Variants in TRPA1 observed in about 807,000 individuals in gnomAD.
TRPA1 encodes ankyrin-like with transmembrane domains 1.
TRPA1 carries 129 observed loss-of-function variants against 131.3 expected under a neutral mutation model. The observed-to-expected ratio is 0.98, with a 90% CI of 0.85 to 1.14. The LOEUF is 1.14. TRPA1 is among the 50% of genes most tolerant of loss of function. The probability of loss-of-function intolerance (pLI) is 0.00; values close to 1 mark genes in which losing one functional copy is unlikely to be tolerated. For missense variants in TRPA1, 1,304 were observed against 1,354.2 expected (o/e 0.96, Z 0.58); for synonymous variants, 441 against 451.7 (o/e 0.98, Z 0.30).
intron 17 of TRPA1, 108 bp downstream of exon 17, chr8:72,046,405 A>G (rs576830509): frequency 2.0e-4 from 119 of 608,308 alleles, no homozygotes; most frequent in Non-Finnish European, 2.5e-4. Context: ...TATTTCTCAT[A>G]TGTAACTAAC....
chr8:72,079,492 A>G (rs1374325899), upstream of TRPA1, among the ~76,000 whole-genome samples: 2 of 151,960 alleles, frequency 1.3e-5, no homozygotes, highest in Non-Finnish European at 2.9e-5. Context: ...CCTTCAAACC[A>G]TTGTCAAAAA....
At chr8:72,064,511 T>C (rs1258444162) in intron 4 of TRPA1, among the ~76,000 whole-genome samples, 3 of 152,076 alleles carry the variant, frequency 2.0e-5, no homozygotes, top group Non-Finnish European at 4.4e-5. Context: ...TTGGTTTGAG[T>C]GTTAGTTAAC....
At chr8:72,030,840 T>C (rs1343327838) in intron 23 of TRPA1, among the ~76,000 whole-genome samples, 2 of 152,216 alleles carry the variant, frequency 1.3e-5, no homozygotes, top group African/African-American at 2.4e-5. Context: ...CAGAAATTTA[T>C]GGCTAGATAG....
chr8:72,077,744 A>T (rs1486853612), upstream of TRPA1, among the ~76,000 whole-genome samples: 7 of 152,164 alleles, frequency 4.6e-5, no homozygotes, highest in Admixed American at 4.6e-4. Context: ...CTCTAATTGC[A>T]AGATTAATTG....
At chr8:72,089,506 G>T in the TRPA1 span, among the ~76,000 whole-genome samples, 1 of 151,928 alleles carries the variant, frequency 6.6e-6, no homozygotes, top group African/African-American at 2.4e-5. Flanking sequence ...ATATTTTATT[G>T]TATTTATCTT....
At chr8:72,027,820 G>A (rs528990920) in intron 24 of TRPA1, among the ~76,000 whole-genome samples, 207 of 152,082 alleles carry the variant, frequency 1.4e-3, no homozygotes, top group Non-Finnish European at 2.5e-3. Context: ...TTTTCCAGGC[G>A]ATGCTGTTTT....
the TRPA1 span, among the ~76,000 whole-genome samples, chr8:72,084,550 A>G: frequency 4.0e-5 from 6 of 151,458 alleles, no homozygotes; most frequent in Non-Finnish European, 7.4e-5. Flanking sequence ...TTCATGTGAA[A>G]TTATTTGAGA....
intron 4 of TRPA1, 101 bp from the exon 5 acceptor site, chr8:72,063,672 T>C (rs941764600): frequency 5.6e-5 from 43 of 770,870 alleles, no homozygotes; most frequent in Non-Finnish European, 7.7e-5. Flanking sequence ...TACTATTATA[T>C]GTCTATGTAA....
At chr8:72,045,050 T>C (rs551154818) in intron 17 of TRPA1, among the ~76,000 whole-genome samples, 1 of 152,012 alleles carries the variant, frequency 6.6e-6, no homozygotes, top group Non-Finnish European at 1.5e-5. Flanking sequence ...AAAAAACACA[T>C]ACATATGCAA....
At chr8:72,046,457 A>AAT in intron 17 of TRPA1, 56 bp downstream of exon 17, 2 of 234,040 alleles carry the variant, frequency 8.5e-6, no homozygotes, top group Non-Finnish European at 1.5e-5. Flanking sequence ...AAAGTATAAT[A>AAT]AAAAAAAAAA....
At chr8:72,082,304 T>A in the TRPA1 span, among the ~76,000 whole-genome samples, 3 of 152,020 alleles carry the variant, frequency 2.0e-5, no homozygotes, top group Admixed American at 6.5e-5. Flanking sequence ...CATTTATACA[T>A]CTATGCATGG....
At position 72,059,343 on chromosome 8, in the gene TRPA1, T is replaced by C. The variant is rs751450980; in HGVS notation, c.993+47A>G. The stretch of plus-strand genomic sequence containing the variant: ...CATATTATGTAATTATACGATTTCT[T>C]AAATTATAAATAGTAATAAAAATAA... On this transcript the variant is annotated intron_variant, in intron 8 of 26. Transcript: ENST00000262209. 4.9e-6 allele frequency: 6 copies of C among 1,233,198 alleles called. No homozygotes were observed. In the Admixed American group the frequency reaches 6.1e-5, roughly 12 times the overall value. 76.4% of individuals were successfully genotyped at this position (1,233,198 alleles called of 1,614,324 possible).
chr8:72,059,825 C>G (rs1316283384), intron 7 of TRPA1, among the ~76,000 whole-genome samples: 1 of 152,208 alleles, frequency 6.6e-6, no homozygotes, highest in African/African-American at 2.4e-5. Flanking sequence ...CTCAAATTCA[C>G]TTGCAGGTTC....
Position 72,054,305 on chromosome 8 carries a change from A to G in TRPA1, c.1530-438T>C. ...GTGGTCAATAGTTATTGGTAATACTACTAGTAATATGATACATGGCTATAA... is the reference window on the plus strand; with the variant it reads ...GTGGTCAATAGTTATTGGTAATACTGCTAGTAATATGATACATGGCTATAA... On this transcript the variant is annotated intron_variant, in intron 12 of 26. Coordinates refer to ENST00000262209, the MANE Select transcript of TRPA1 (RefSeq NM_007332.3). 3 of 217,238 alleles carry G rather than the reference A, an allele frequency of 1.4e-5. 1 individual carries two copies. The South Asian group carries it at 2.1e-4, about 15-fold the overall frequency. 13.5% of individuals were successfully genotyped at this position (217,238 alleles called of 1,614,324 possible).
intron 8 of TRPA1, among the ~76,000 whole-genome samples, chr8:72,059,173 A>G (rs1805745906): frequency 6.6e-6 from 1 of 152,192 alleles, no homozygotes; most frequent in Admixed American, 6.5e-5. Flanking sequence ...GGATATCCAA[A>G]TTACGCTTTG....
Position 72,059,380 on chromosome 8 carries a change from G to T in TRPA1, c.993+10C>A, listed in dbSNP as rs1326736414. The T allele has an allele frequency of 1.3e-6, 2 of 1,527,178 alleles. No homozygotes were observed. Among genetic ancestry groups the T allele is most frequent in the Non-Finnish European group, 1.8e-6 (2 of 1,109,816 alleles). The allele number at this position is 1,527,178 out of a possible 1,614,324, so 94.6% of individuals were successfully genotyped here. A position where few individuals can be genotyped will look rare whatever the true frequency, so the allele number is the denominator to read the frequency against. Reference sequence around the variant, plus strand: ...AGTAATAAAAATAAACCAGTAAAAGGAATAGTTACCACTGAAATTAAATAG... The same window carrying T: ...AGTAATAAAAATAAACCAGTAAAAGTAATAGTTACCACTGAAATTAAATAG... On this transcript the variant is annotated intron_variant, in intron 8 of 26. Coordinates refer to ENST00000262209, the MANE Select transcript of TRPA1 (RefSeq NM_007332.3).
At chr8:72,067,024 C>T (rs1326208605) in intron 3 of TRPA1, among the ~76,000 whole-genome samples, 1 of 152,232 alleles carries the variant, frequency 6.6e-6, no homozygotes, top group Non-Finnish European at 1.5e-5. Flanking sequence ...AAACCACCCC[C>T]TGATCCCCAG....
chr8:72,085,750 T>C, the TRPA1 span, among the ~76,000 whole-genome samples: 1 of 152,186 alleles, frequency 6.6e-6, no homozygotes, highest in African/African-American at 2.4e-5. Context: ...TTATATTGAT[T>C]GTGATCATGG....
At chr8:72,038,831 T>C (rs770498320) in intron 19 of TRPA1, 34 bp downstream of exon 19, 8 of 1,572,404 alleles carry the variant, frequency 5.1e-6, no homozygotes, top group Middle Eastern at 2.1e-4. Context: ...TTTTTTATAA[T>C]CCTTTATTTT....
Sources: gnomAD v4.1 joint callset for allele counts (sites outside exome capture counted in the v4.1 genomes callset) on GRCh38, gnomAD v4.1.1 for gene constraint, MANE v1.5 for transcripts, NCBI Gene and HGNC (gene_info 2026-07-23, HGNC 2026-07-21) for gene names.